Variants in CCDC7 observed in about 807,000 individuals in gnomAD.
CCDC7 encodes the protein coiled-coil domain containing 7, also known as coiled-coil domain-containing protein 7.
Under a neutral mutation model 196.9 loss-of-function variants are expected in CCDC7, and 183 were observed. The observed-to-expected ratio is 0.93, with a 90% confidence interval of 0.82 to 1.05. The LOEUF is 1.05. Among genes scored for constraint, CCDC7 ranks in the 50% least tolerant of loss-of-function variants. The pLI is 0.00. For missense variants in CCDC7, 1,540 were observed against 1,482.2 expected, an observed-to-expected ratio of 1.04 and a Z score of -0.64; for synonymous variants, 525 against 484.6, an observed-to-expected ratio of 1.08 and a Z score of -1.10.
At chr10:32,876,807 A>G (rs2094607713), downstream of CCDC7, 1 of 154,960 alleles carries the variant, frequency 6.5e-6, no homozygotes, top group African/African-American at 2.4e-5. Flanking sequence ...GGCACAAAAT[A>G]CAACTGCTAA....
chr10:32,849,189 T>C (rs188840475), intron 39 of CCDC7, among the ~76,000 whole-genome samples: 68 of 152,138 alleles, frequency 4.5e-4, no homozygotes, highest in African/African-American at 1.5e-3. Context: ...TTTATTTTCA[T>C]ATTTGTTAGT....
chr10:32,552,878 A>G (rs754636167), intron 13 of CCDC7, among the ~76,000 whole-genome samples: 1 of 152,124 alleles, frequency 6.6e-6, no homozygotes, highest in Non-Finnish European at 1.5e-5. Flanking sequence ...AACTTTGGAT[A>G]ACCTGATGAC....
At chr10:32,659,849 A>G (rs1040337959) in intron 20 of CCDC7, among the ~76,000 whole-genome samples, 8 of 152,228 alleles carry the variant, frequency 5.3e-5, no homozygotes, top group African/African-American at 1.9e-4. Flanking sequence ...GTTGCAAAGG[A>G]AAAGGAACAC....
chr10:32,591,908 C>T (rs1236859198), intron 18 of CCDC7, among the ~76,000 whole-genome samples: 1 of 152,156 alleles, frequency 6.6e-6, no homozygotes, highest in Non-Finnish European at 1.5e-5. Context: ...TGCTCTTTCT[C>T]ACTGTGAGCG....
chr10:32,683,981 G>A (rs1020837994), intron 21 of CCDC7, among the ~76,000 whole-genome samples: 6 of 152,176 alleles, frequency 3.9e-5, no homozygotes, highest in African/African-American at 1.4e-4. Context: ...TCAGGGCAAT[G>A]GGGACTGGGG....
chr10:32,520,224 A>C (rs2047672130), intron 11 of CCDC7, among the ~76,000 whole-genome samples: 1 of 152,030 alleles, frequency 6.6e-6, no homozygotes, highest in South Asian at 2.1e-4. Flanking sequence ...TATTTTTGGG[A>C]TATATACATA....
At chr10:32,868,542 T>C (rs980626368) in intron 41 of CCDC7, among the ~76,000 whole-genome samples, 2 of 151,966 alleles carry the variant, frequency 1.3e-5, no homozygotes, top group African/African-American at 4.8e-5. Context: ...TCAAGATTCA[T>C]CTATGTTTTA....
At chr10:32,559,206 T>G (rs1161722465) in intron 13 of CCDC7, among the ~76,000 whole-genome samples, 4 of 152,208 alleles carry the variant, frequency 2.6e-5, no homozygotes, top group Admixed American at 6.5e-5. Flanking sequence ...CAAGGAGGCC[T>G]GCCTGCCTGC....
chr10:32,534,232 T>G (rs2050126553), intron 11 of CCDC7, among the ~76,000 whole-genome samples: 1 of 152,212 alleles, frequency 6.6e-6, no homozygotes, highest in Admixed American at 6.5e-5. Flanking sequence ...ATTTCTCAGT[T>G]CCAAGATTTG....
intron 25 of CCDC7, among the ~76,000 whole-genome samples, chr10:32,717,895 CAAAAAA>C (rs56282080): frequency 7.7e-6 from 1 of 130,456 alleles, no homozygotes; most frequent in Non-Finnish European, 1.6e-5. Context: ...AATAGCCTAC[CAAAAAA>C]AAAAAAAAAA....
chr10:32,464,861 C>A lies in CCDC7; in HGVS notation c.510+1812C>A, dbSNP rs760971198. Reference sequence around the variant, plus strand: ...TTATTCTCTCTTGTATATTCAGTTTCTCTCATTCAATTTATCCTTCTTTTC... The same window carrying A: ...TTATTCTCTCTTGTATATTCAGTTTATCTCATTCAATTTATCCTTCTTTTC... On this transcript the variant is annotated intron_variant, in intron 5 of 41. Transcript: ENST00000639629. Among the ~76,000 whole-genome samples the A allele has an allele frequency of 7.0e-4, 106 of 152,248 alleles. 1 individual carries two copies. In the Middle Eastern group the frequency reaches 0.014, roughly 20 times the overall value.
intron 11 of CCDC7, among the ~76,000 whole-genome samples, chr10:32,519,101 A>G (rs1207120472): frequency 6.6e-6 from 1 of 152,156 alleles, no homozygotes; most frequent in Non-Finnish European, 1.5e-5. Flanking sequence ...GGAAGCAGAA[A>G]TCATACAGGA....
intron 15 of CCDC7, 53 bp downstream of exon 16, chr10:32,567,944 T>G: frequency 6.7e-7 from 1 of 1,493,826 alleles, no homozygotes; most frequent in Non-Finnish European, 8.9e-7. Flanking sequence ...GAAATTTGTC[T>G]TTTATATTAT....
intron 21 of CCDC7, among the ~76,000 whole-genome samples, chr10:32,672,662 C>T (rs925712835): frequency 2.0e-5 from 3 of 152,108 alleles, no homozygotes; most frequent in African/African-American, 4.8e-5. Flanking sequence ...TGGATCAGGC[C>T]GTTGGGAACC....
At chr10:32,729,808 T>C (rs1270376316) in intron 28 of CCDC7, among the ~76,000 whole-genome samples, 1 of 152,176 alleles carries the variant, frequency 6.6e-6, no homozygotes, top group East Asian at 1.9e-4. Context: ...CACTTCATCA[T>C]TTTCATAATT....
chr10:32,832,860 C>A (rs1413548858), intron 32 of CCDC7, among the ~76,000 whole-genome samples: 5 of 152,006 alleles, frequency 3.3e-5, no homozygotes, highest in African/African-American at 1.2e-4. Flanking sequence ...TGATATGTAA[C>A]TGTATTTTGG....
At chr10:32,665,030 T>C (rs1198122894) in intron 21 of CCDC7, among the ~76,000 whole-genome samples, 1 of 152,052 alleles carries the variant, frequency 6.6e-6, no homozygotes, top group Non-Finnish European at 1.5e-5. Flanking sequence ...GATATTTCAT[T>C]GTGGTTTTAA....
intron 28 of CCDC7, among the ~76,000 whole-genome samples, chr10:32,737,641 A>G (rs2085082603): frequency 6.6e-6 from 1 of 152,192 alleles, no homozygotes; most frequent in Admixed American, 6.5e-5. Flanking sequence ...TGCAAATATA[A>G]TGAATTTGTC....
intron 9 of CCDC7, among the ~76,000 whole-genome samples, chr10:32,497,057 C>G (rs531317409): frequency 5.8e-4 from 88 of 152,270 alleles, no homozygotes; most frequent in African/African-American, 2.1e-3. Flanking sequence ...TAATTACTGC[C>G]TCCATTTCAG....
Sources: allele counts gnomAD v4.1 joint callset (sites outside exome capture counted in the v4.1 genomes callset), GRCh38; gene constraint gnomAD v4.1.1; transcripts MANE v1.5; gene names NCBI Gene and HGNC (gene_info 2026-07-23, HGNC 2026-07-21).